Variants in CALN1 observed in about 807,000 individuals in gnomAD.
CALN1 encodes the protein calcium-binding protein 8.
A neutral mutation model predicts 30.6 loss-of-function variants in CALN1; 17 were observed. That is an observed-to-expected ratio of 0.56 (90% CI 0.38 to 0.83). CALN1 has a LOEUF of 0.83. Ranked by LOEUF, CALN1 falls within the 40% of genes least tolerant of loss-of-function variation. The pLI, the probability that CALN1 is intolerant of heterozygous loss-of-function variation, is 0.00. For synonymous variants in CALN1, 156 were observed against 131.4 expected, an observed-to-expected ratio of 1.19 and a Z score of -1.28; for missense variants, 291 against 354.9, an observed-to-expected ratio of 0.82 and a Z score of 1.45.
At chr7:71,805,036 T>C (rs1168190910) in intron 6 of CALN1, among the ~76,000 whole-genome samples, 1 of 152,212 alleles carries the variant, frequency 6.6e-6, no homozygotes, top group South Asian at 2.1e-4. Flanking sequence ...ATAGAGTCCT[T>C]GTCCCTTGTG....
intron 5 of CALN1, among the ~76,000 whole-genome samples, chr7:71,982,529 G>C (rs910808673): frequency 6.6e-6 from 1 of 152,200 alleles, no homozygotes; most frequent in Non-Finnish European, 1.5e-5. Flanking sequence ...GGGAGGCAGA[G>C]GTTGCAGTGA....
intron 3 of CALN1, among the ~76,000 whole-genome samples, chr7:72,171,923 G>A (rs1408570974): frequency 6.6e-6 from 1 of 152,116 alleles, no homozygotes; most frequent in Non-Finnish European, 1.5e-5. Context: ...TAAAGGCAAA[G>A]AAACTGGGGT....
At chr7:72,412,789 G>C (rs1191583403), upstream of CALN1, among the ~76,000 whole-genome samples, 1 of 152,226 alleles carries the variant, frequency 6.6e-6, no homozygotes, top group Non-Finnish European at 1.5e-5. Flanking sequence ...TCTAGAAGCA[G>C]TCAAGCCACA....
intron 5 of CALN1, among the ~76,000 whole-genome samples, chr7:71,862,297 C>G (rs1791334019): frequency 6.6e-6 from 1 of 152,140 alleles, no homozygotes; most frequent in South Asian, 2.1e-4. Flanking sequence ...GTGTCCCTAC[C>G]CAAATCTCAT....
At chr7:72,176,165 G>A (rs1789338286) in intron 3 of CALN1, among the ~76,000 whole-genome samples, 1 of 152,066 alleles carries the variant, frequency 6.6e-6, no homozygotes, top group Admixed American at 6.5e-5. Context: ...CTCCTCTCAG[G>A]TTTATTCTCC....
At chr7:72,047,617 C>T (rs1467936421) in intron 4 of CALN1, among the ~76,000 whole-genome samples, 1 of 152,122 alleles carries the variant, frequency 6.6e-6, no homozygotes, top group Non-Finnish European at 1.5e-5. Flanking sequence ...AGAAAATGAG[C>T]CTGGCTTCAG....
intron 3 of CALN1, among the ~76,000 whole-genome samples, chr7:72,251,501 G>A (rs1303997527): frequency 2.0e-5 from 3 of 151,938 alleles, no homozygotes; most frequent in African/African-American, 4.8e-5. Flanking sequence ...CTGGGCTTAA[G>A]CAGTCCTCCC....
intron 3 of CALN1, among the ~76,000 whole-genome samples, chr7:72,231,959 G>C (rs1794135408): frequency 6.6e-6 from 1 of 152,204 alleles, no homozygotes; most frequent in Non-Finnish European, 1.5e-5. Flanking sequence ...AGACGCTGTT[G>C]TCTTGGACAA....
chr7:71,901,396 TA>T (rs1379258435), intron 5 of CALN1, among the ~76,000 whole-genome samples: 1 of 98,214 alleles, frequency 1.0e-5, no homozygotes, highest in Non-Finnish European at 2.2e-5. Flanking sequence ...ACAGAATTAA[TA>T]AAAAACAATC....
chr7:72,138,982 T>A (rs765343754), intron 3 of CALN1, among the ~76,000 whole-genome samples: 2 of 152,256 alleles, frequency 1.3e-5, no homozygotes, highest in Non-Finnish European at 2.9e-5. Flanking sequence ...AATGCCATCA[T>A]CTAGCGTTCA....
chr7:72,106,851 GGGAAGGAAGGA>G (rs1413388224), intron 3 of CALN1, among the ~76,000 whole-genome samples: 1 of 92,226 alleles, frequency 1.1e-5, no homozygotes, highest in African/African-American at 3.9e-5. Flanking sequence ...GGGAGGAGGA[GGGAAGGAAGGA>G]GGAAGGAAGG....
chr7:72,353,259 T>TCA (rs1256282883), intron 2 of CALN1, among the ~76,000 whole-genome samples: 4 of 151,884 alleles, frequency 2.6e-5, no homozygotes, highest in Non-Finnish European at 5.9e-5. Flanking sequence ...CTACTGTCTC[T>TCA]CTGTTATCAA....
At chr7:71,849,740 C>T (rs1455804899) in intron 5 of CALN1, among the ~76,000 whole-genome samples, 5 of 152,046 alleles carry the variant, frequency 3.3e-5, no homozygotes, top group Non-Finnish European at 7.4e-5. Flanking sequence ...AACTCCTAGG[C>T]TCAATGGATC....
chr7:71,929,955 G>A lies in CALN1; in HGVS notation c.501+93702C>T, dbSNP rs1487076396. ...ACATCTCATGGATACCAAAATCCACGGCTGCTCAAGCATCTTATATAAAAT... is the reference window on the plus strand; with the variant it reads ...ACATCTCATGGATACCAAAATCCACAGCTGCTCAAGCATCTTATATAAAAT... On this transcript the variant is annotated intron_variant, in intron 5 of 6. Coordinates refer to ENST00000395275, the MANE Select transcript of CALN1 (RefSeq NM_031468.4). Among the ~76,000 whole-genome samples the A allele has an allele frequency of 2.0e-5, 3 of 152,094 alleles. No individual in the cohort carries two copies. The East Asian group carries it at 5.8e-4, about 29-fold the overall frequency.
intron 4 of CALN1, among the ~76,000 whole-genome samples, chr7:72,024,284 G>A (rs1800907726): frequency 6.6e-6 from 1 of 152,172 alleles, no homozygotes; most frequent in African/African-American, 2.4e-5. Context: ...TCCTAGCTAC[G>A]ATTCTGTTAT....
intron 4 of CALN1, among the ~76,000 whole-genome samples, chr7:72,025,166 T>C (rs1379398887): frequency 1.3e-5 from 2 of 151,984 alleles, no homozygotes; most frequent in African/African-American, 2.4e-5. Context: ...CAAAATTAGC[T>C]GGGTGTGGTT....
At chr7:72,221,783 A>T (rs573684289) in intron 3 of CALN1, among the ~76,000 whole-genome samples, 1 of 151,714 alleles carries the variant, frequency 6.6e-6, no homozygotes, top group South Asian at 2.1e-4. Flanking sequence ...CCAGCAACTC[A>T]GGAGGTTGAG....
At chr7:72,269,291 T>C (rs1382229699) in intron 3 of CALN1, among the ~76,000 whole-genome samples, 1 of 152,146 alleles carries the variant, frequency 6.6e-6, no homozygotes, top group Admixed American at 6.6e-5. Flanking sequence ...ATGTGCCATG[T>C]TGGTGTGCTG....
At chr7:71,874,394 A>C (rs1792124593) in intron 5 of CALN1, among the ~76,000 whole-genome samples, 1 of 152,112 alleles carries the variant, frequency 6.6e-6, no homozygotes, top group Non-Finnish European at 1.5e-5. Context: ...ATGTAGGGCT[A>C]ATCTCAGAAA....
Sources: gnomAD v4.1 joint callset for allele counts (sites outside exome capture counted in the v4.1 genomes callset) on GRCh38, gnomAD v4.1.1 for gene constraint, MANE v1.5 for transcripts, NCBI Gene and HGNC (gene_info 2026-07-23, HGNC 2026-07-21) for gene names.